PRDM16: variants seen among roughly 807,000 people sequenced by gnomAD.
The protein encoded by PRDM16 is histone-lysine N-methyltransferase PRDM16.
Under a neutral mutation model 110.6 loss-of-function variants are expected in PRDM16, and 23 were observed. That is an observed-to-expected ratio of 0.21 (90% CI 0.15 to 0.29). PRDM16 has a LOEUF of 0.29. Ranked by LOEUF, PRDM16 falls within the 10% of genes least tolerant of loss-of-function variation. PRDM16 has a pLI of 1.00. For missense variants in PRDM16, 1,615 were observed against 1,794.3 expected, an observed-to-expected ratio of 0.90 and a Z score of 1.81; for synonymous variants, 799 against 781.8, an observed-to-expected ratio of 1.02 and a Z score of -0.37.
At chr1:3,129,446 C>T (rs1018824467) in intron 1 of PRDM16, among the ~76,000 whole-genome samples, 1 of 150,826 alleles carries the variant, frequency 6.6e-6, no homozygotes, top group Non-Finnish European at 1.5e-5. Context: ...TCCTGGTGTG[C>T]ATGTGTCTGT....
intron 1 of PRDM16, among the ~76,000 whole-genome samples, chr1:3,110,213 GCTCGGGGGCTCCCC>G (rs1642756779): frequency 5.1e-5 from 7 of 138,030 alleles, no homozygotes; most frequent in African/African-American, 1.7e-4. Flanking sequence ...GGGACACAGT[GCTCGGGGGCTCCCC>G]TCTGTCCTGG....
chr1:3,265,319 G>A lies in PRDM16; in HGVS notation c.438+21182G>A, dbSNP rs1232754077. On this transcript the variant is annotated intron_variant, in intron 3 of 16. Transcript: ENST00000270722. This position sits in a 1 kb window ranked among gnomAD's most constrained non-coding sequence, Gnocchi z 4.5. ...ACAGGAATGCAGGTGTGGGTGGGAA[G>A]GGGCTGAAAACGGACAGGAGCTAGA... Among the ~76,000 whole-genome samples, 1 of 152,098 alleles carries A rather than the reference G, an allele frequency of 6.6e-6. No individual in the cohort carries two copies. The highest frequency in any genetic ancestry group is 6.5e-5 in the Admixed American group (1 of 15,270).
chr1:3,431,603 C>T (rs1054620094), intron 15 of PRDM16, among the ~76,000 whole-genome samples: 1 of 152,002 alleles, frequency 6.6e-6, no homozygotes, highest in African/African-American at 2.4e-5. Flanking sequence ...ACTTCCTCTC[C>T]AGCCTGGATG....
intron 3 of PRDM16, among the ~76,000 whole-genome samples, chr1:3,264,674 T>C (rs1462953348): frequency 1.7e-5 from 2 of 114,742 alleles, no homozygotes; most frequent in African/African-American, 3.4e-5. Flanking sequence ...GAGGGGCATC[T>C]GAGGACCCCA....
intron 3 of PRDM16, among the ~76,000 whole-genome samples, chr1:3,313,050 A>ACACAGG (rs1403296275): frequency 6.6e-6 from 1 of 152,246 alleles, no homozygotes; most frequent in African/African-American, 2.4e-5. Context: ...TGGTGTACAC[A>ACACAGG]CACAGGCACA....
At chr1:3,298,888 C>T (rs901011874) in intron 3 of PRDM16, among the ~76,000 whole-genome samples, 14 of 152,336 alleles carry the variant, frequency 9.2e-5, no homozygotes, top group South Asian at 6.2e-4. Context: ...AAGTCCCTTC[C>T]GTAGCTCCGA....
At chr1:3,317,575 GC>G (rs1641640585) in intron 3 of PRDM16, among the ~76,000 whole-genome samples, 1 of 152,230 alleles carries the variant, frequency 6.6e-6, no homozygotes, top group Non-Finnish European at 1.5e-5. Context: ...ACTTCTGAAA[GC>G]AAAGCCATCA....
chr1:3,248,543 C>T (rs1639847414), intron 3 of PRDM16, among the ~76,000 whole-genome samples: 1 of 152,198 alleles, frequency 6.6e-6, no homozygotes, highest in Non-Finnish European at 1.5e-5. Flanking sequence ...CGCATCCACC[C>T]CAGCCAGCCC....
rs114313132 is a variant in PRDM16 at position 3,287,243 on chromosome 1, G to A, written c.438+43106G>A. Among the ~76,000 whole-genome samples, 585 of 151,392 alleles carry A rather than the reference G, an allele frequency of 3.9e-3. 1 individual carries two copies. Among genetic ancestry groups the A allele is most frequent in the African/African-American group, 0.014 (568 of 40,796 alleles). On this transcript the variant is annotated intron_variant, in intron 3 of 16. Coordinates refer to ENST00000270722, the MANE Select transcript of PRDM16 (RefSeq NM_022114.4). ...CACTTCCCAGCCACGCGGGCATCCAGGATTGCATTTACCGGGGCTGGAGGC... is the reference window on the plus strand; with the variant it reads ...CACTTCCCAGCCACGCGGGCATCCAAGATTGCATTTACCGGGGCTGGAGGC...
Position 3,069,762 on chromosome 1 carries a change from C to T in PRDM16, c.37+466C>T, listed in dbSNP as rs979826120. ...AGTCCTGGTCAAATCATATTCCGGG[C>T]TTTTGAAATAGTGGGCGCTAGAGCA... On this transcript the variant is annotated intron_variant, in intron 1 of 16. Transcript: ENST00000270722. The surrounding 1 kb of genome is among the most constrained non-coding windows in gnomAD (Gnocchi z 6.1). 1.3e-5 allele frequency among the ~76,000 whole-genome samples: 2 copies of T among 152,074 alleles called. No homozygotes were observed. The highest frequency in any genetic ancestry group is 3.9e-4 in the East Asian group (2 of 5,134).
Position 3,426,162 on chromosome 1 carries a change from C to T in PRDM16, c.3221C>T (p.Ser1074Leu), listed in dbSNP as rs572178955. The T allele has an allele frequency of 2.6e-5, 42 of 1,613,854 alleles. No homozygotes were observed. Among genetic ancestry groups the T allele is most frequent in the African/African-American group, 2.3e-4 (17 of 75,014 alleles). ...GACGAGAAAGAAGACTCTTATTTCT[C>T]GGAAATCAGAAACTTTATTGCCAAT... ...LLDEKEDSYF[S>L]EIRNFIANSE... The change falls in exon 14 of 17, where the codon TCG (serine) becomes TTG (leucine). Residue 1074 changes from serine to leucine, a missense_variant. This residue lies in a region of PRDM16 where 327 missense variants were observed against 359.3 expected (regional missense o/e 0.91). Coordinates refer to ENST00000270722, the MANE Select transcript of PRDM16 (RefSeq NM_022114.4).
chr1:3,070,925 T>C (rs1043880091), intron 1 of PRDM16, among the ~76,000 whole-genome samples: 6 of 152,216 alleles, frequency 3.9e-5, no homozygotes, highest in African/African-American at 1.4e-4. Flanking sequence ...CGGCCTCCCG[T>C]GACCTCTGAC....
intron 1 of PRDM16, among the ~76,000 whole-genome samples, chr1:3,162,646 G>A (rs1422281051): frequency 3.3e-5 from 5 of 152,236 alleles, no homozygotes; most frequent in African/African-American, 7.2e-5. Flanking sequence ...GAGCCCGTGC[G>A]CCGATGGAGG....
intron 7 of PRDM16, 149 bp downstream of exon 7, chr1:3,405,035 C>G: frequency 1.3e-6 from 1 of 789,962 alleles, no homozygotes; most frequent in Non-Finnish European, 2.0e-6. Flanking sequence ...TCGGGCCCTT[C>G]CGTGTGACTA....
chr1:3,292,930 T>C (rs1201207442), intron 3 of PRDM16, among the ~76,000 whole-genome samples: 1 of 152,220 alleles, frequency 6.6e-6, no homozygotes, highest in African/African-American at 2.4e-5. Flanking sequence ...TCTTTTCCTG[T>C]TTGTCTTCTG....
At chr1:3,109,639 G>C (rs1642740188) in intron 1 of PRDM16, among the ~76,000 whole-genome samples, 1 of 152,214 alleles carries the variant, frequency 6.6e-6, no homozygotes, top group Non-Finnish European at 1.5e-5. Context: ...GCAAGAATCC[G>C]AACTCCTCCA....
At position 3,175,656 on chromosome 1, in the gene PRDM16, TC is replaced by T. The variant is rs1225596531; in HGVS notation, c.38-10467del. On this transcript the variant is annotated intron_variant, in intron 1 of 16. Transcript: ENST00000270722. The surrounding 1 kb of genome is among the most constrained non-coding windows in gnomAD (Gnocchi z 4.8). ...GCAGTCCCGTGGAGCCAGGCACAGCTCCGGCCAAGTCCCAGAACTCAGACCT... is the reference window on the plus strand; with the variant it reads ...GCAGTCCCGTGGAGCCAGGCACAGCTCGGCCAAGTCCCAGAACTCAGACCT... Among the ~76,000 whole-genome samples, 3 of 152,184 alleles carry T rather than the reference TC, an allele frequency of 2.0e-5. No individual in the cohort carries two copies. Among genetic ancestry groups the T allele is most frequent in the Middle Eastern group, 6.8e-3 (2 of 294 alleles).
intron 5 of PRDM16, among the ~76,000 whole-genome samples, chr1:3,396,809 G>A (rs1212204433): frequency 6.6e-6 from 1 of 152,230 alleles, no homozygotes; most frequent in African/African-American, 2.4e-5. Context: ...TGGCTTTCTT[G>A]TTCCTCTTCC....
intron 1 of PRDM16, among the ~76,000 whole-genome samples, chr1:3,152,134 G>C (rs1030618362): frequency 5.3e-5 from 8 of 152,204 alleles, no homozygotes; most frequent in South Asian, 2.1e-4. Context: ...TGGAGTCCCT[G>C]CTGTGGCTCT....
Sources: allele counts gnomAD v4.1 joint callset (sites outside exome capture counted in the v4.1 genomes callset), GRCh38; gene constraint gnomAD v4.1.1; regional missense constraint gnomAD v4.1.1; non-coding constraint Gnocchi (gnomAD v3.1); transcripts MANE v1.5; gene names NCBI Gene and HGNC (gene_info 2026-07-23, HGNC 2026-07-21).